INPP5A: variants seen among roughly 807,000 people sequenced by gnomAD.
INPP5A encodes inositol polyphosphate-5-phosphatase A.
Under a neutral mutation model 65.2 loss-of-function variants are expected in INPP5A, and 14 were observed. The ratio of observed to expected loss-of-function variants is 0.21; its 90% CI spans 0.14 to 0.34. The LOEUF (loss-of-function observed/expected upper bound fraction) is 0.34, where lower values mean the gene tolerates loss of function less well. Among genes scored for constraint, INPP5A ranks in the 10% least tolerant of loss-of-function variants. The pLI is 1.00. For missense variants in INPP5A, 431 were observed against 545.6 expected (o/e 0.79, Z 2.09); for synonymous variants, 207 against 208.3 (o/e 0.99, Z 0.05).
intron 11 of INPP5A, among the ~76,000 whole-genome samples, chr10:132,751,491 G>T (rs1271786379): frequency 6.6e-6 from 1 of 152,256 alleles, no homozygotes; most frequent in Non-Finnish European, 1.5e-5. Flanking sequence ...CCCCTCTCTG[G>T]CTCTGCCTGC....
intron 11 of INPP5A, among the ~76,000 whole-genome samples, chr10:132,752,190 G>T (rs1037610024): frequency 6.6e-6 from 1 of 151,982 alleles, no homozygotes; most frequent in Non-Finnish European, 1.5e-5. Flanking sequence ...GTGCTTTCAG[G>T]GTCCCTAGCA....
intron 4 of INPP5A, among the ~76,000 whole-genome samples, chr10:132,662,422 G>A (rs1429555799): frequency 2.0e-5 from 3 of 152,128 alleles, no homozygotes; most frequent in Non-Finnish European, 4.4e-5. Flanking sequence ...GAACAGGAGG[G>A]GACAGTCTGT....
intron 2 of INPP5A, among the ~76,000 whole-genome samples, chr10:132,624,642 G>A (rs374440039): frequency 6.6e-6 from 1 of 152,200 alleles, no homozygotes; most frequent in Non-Finnish European, 1.5e-5. Context: ...CATGTAGGCC[G>A]TGGTCTCTGC....
At chr10:132,749,300 C>T (rs1039885616) in intron 9 of INPP5A, among the ~76,000 whole-genome samples, 1 of 149,586 alleles carries the variant, frequency 6.7e-6, no homozygotes, top group Non-Finnish European at 1.5e-5. Context: ...CGGTTGCAGC[C>T]ACGCTTTGTT....
chr10:132,666,848 C>T (rs529789796), intron 4 of INPP5A, among the ~76,000 whole-genome samples: 5 of 152,258 alleles, frequency 3.3e-5, no homozygotes, highest in Admixed American at 6.5e-5. Flanking sequence ...TAAGTGGACT[C>T]GGGTAGAGAA....
chr10:132,750,634 G>A (rs376097494), intron 11 of INPP5A, among the ~76,000 whole-genome samples: 2 of 152,248 alleles, frequency 1.3e-5, no homozygotes, highest in East Asian at 1.9e-4. Flanking sequence ...CAGGAATCAC[G>A]CAGCAGCTGG....
intron 8 of INPP5A, among the ~76,000 whole-genome samples, chr10:132,718,290 G>A (rs1252677854): frequency 3.5e-5 from 5 of 143,196 alleles, no homozygotes; most frequent in South Asian, 2.3e-4. Flanking sequence ...TTCTGGGGGC[G>A]CCTTAGACAG....
rs2072571689 is a variant in INPP5A at position 132,651,161 on chromosome 10, G to GCATCTGAGGCTC, written c.306+656_306+657insCATCTGAGGCTC. 6.6e-6 allele frequency among the ~76,000 whole-genome samples: 1 copy of GCATCTGAGGCTC among 152,184 alleles called. No individual in the cohort carries two copies. The highest frequency in any genetic ancestry group is 1.5e-5 in the Non-Finnish European group (1 of 68,014). ...CCTCAGAGGAGGGGACACTCTGCAGGTCGTGAATAACTTGCTGTTGGTTCA... is the reference window on the plus strand; with the variant it reads ...CCTCAGAGGAGGGGACACTCTGCAGGCATCTGAGGCTCTCGTGAATAACTTGCTGTTGGTTCA... On this transcript the variant is annotated intron_variant, in intron 4 of 15. Transcript: ENST00000368594. The surrounding 1 kb of genome is among the most constrained non-coding windows in gnomAD (Gnocchi z 5.0).
In INPP5A at chr10:132,538,262, G is replaced by A; in HGVS notation, c.75+91G>A. 1.4e-6 allele frequency: 1 copy of A among 705,372 alleles called. No homozygotes were observed. Among genetic ancestry groups the A allele is most frequent in the Non-Finnish European group, 1.9e-6 (1 of 524,666 alleles). 43.7% of individuals were successfully genotyped at this position (705,372 alleles called of 1,614,324 possible). On this transcript the variant is annotated intron_variant, in intron 1 of 15. Transcript: ENST00000368594. The surrounding 1 kb of genome is among the most constrained non-coding windows in gnomAD (Gnocchi z 4.1). ...AACTGCAAGCCTTGGACCCTGGACC[G>A]TGAACCTCCAGACCCAGAGGCCCCA...
intron 2 of INPP5A, among the ~76,000 whole-genome samples, chr10:132,619,078 C>T (rs2072078842): frequency 6.6e-6 from 1 of 152,128 alleles, no homozygotes; most frequent in Non-Finnish European, 1.5e-5. Context: ...CTCAATAGTC[C>T]CCCCAAAGTC....
At chr10:132,540,025 A>G (rs964070763) in intron 1 of INPP5A, among the ~76,000 whole-genome samples, 23 of 152,186 alleles carry the variant, frequency 1.5e-4, no homozygotes, top group Non-Finnish European at 2.8e-4. Context: ...AGTGCCTGGC[A>G]TGGGTGTGTG....
chr10:132,603,684 A>G lies in INPP5A; in HGVS notation c.76-4231A>G, dbSNP rs1337476256. Among the ~76,000 whole-genome samples the G allele has an allele frequency of 3.3e-5, 5 of 152,200 alleles. No homozygotes were observed. The highest frequency in any genetic ancestry group is 3.3e-4 in the Admixed American group (5 of 15,282). On this transcript the variant is annotated intron_variant, in intron 1 of 15. Coordinates refer to ENST00000368594, the MANE Select transcript of INPP5A (RefSeq NM_005539.5). The surrounding 1 kb of genome is among the most constrained non-coding windows in gnomAD (Gnocchi z 4.2). ...TTATGAATGCTCTGGTTTGGAAGGT[A>G]TCATGATTCTTAGGCAGCCTCTCAG...
intron 9 of INPP5A, among the ~76,000 whole-genome samples, chr10:132,734,744 C>G (rs1846147361): frequency 6.6e-6 from 1 of 152,252 alleles, no homozygotes; most frequent in Non-Finnish European, 1.5e-5. Context: ...TCAGTTCTCC[C>G]CCTGCCTGGG....
In INPP5A at chr10:132,762,052, A is replaced by G. The variant is rs942139419; in HGVS notation, c.904-3721A>G. Among the ~76,000 whole-genome samples, 3 of 152,238 alleles carry G rather than the reference A, an allele frequency of 2.0e-5. No individual in the cohort carries two copies. Among genetic ancestry groups the G allele is most frequent in the African/African-American group, 7.2e-5 (3 of 41,530 alleles). ...AGTGCCGGAGTAGACACAGCTGGAG[A>G]AGGGATTGAGGAATGGGATGGCAGG... On this transcript the variant is annotated intron_variant, in intron 11 of 15. Coordinates refer to ENST00000368594, the MANE Select transcript of INPP5A (RefSeq NM_005539.5). This position sits in a 1 kb window ranked among gnomAD's most constrained non-coding sequence, Gnocchi z 4.6.
chr10:132,576,631 A>G (rs1296715479), intron 1 of INPP5A, among the ~76,000 whole-genome samples: 1 of 152,228 alleles, frequency 6.6e-6, no homozygotes, highest in Non-Finnish European at 1.5e-5. Flanking sequence ...CAGGATGCAA[A>G]CGAGAGTGTT....
At chr10:132,761,871 C>T (rs561198879) in intron 11 of INPP5A, among the ~76,000 whole-genome samples, 8 of 151,982 alleles carry the variant, frequency 5.3e-5, no homozygotes, top group East Asian at 1.9e-4. Flanking sequence ...GCCAAATCAT[C>T]GAATAATTGA....
chr10:132,639,678 A>T (rs1322995014), intron 2 of INPP5A, among the ~76,000 whole-genome samples: 5 of 152,200 alleles, frequency 3.3e-5, no homozygotes, highest in African/African-American at 9.7e-5. Flanking sequence ...CTCATGCACC[A>T]TCTGTTTCTC....
At chr10:132,635,617 G>C (rs1157102358) in intron 2 of INPP5A, among the ~76,000 whole-genome samples, 1 of 151,348 alleles carries the variant, frequency 6.6e-6, no homozygotes, top group African/African-American at 2.4e-5. Flanking sequence ...GGATGGTCTC[G>C]ATCTCCTGAC....
chr10:132,639,825 C>T (rs991666786), intron 2 of INPP5A, among the ~76,000 whole-genome samples: 2 of 152,188 alleles, frequency 1.3e-5, no homozygotes, highest in Non-Finnish European at 2.9e-5. Flanking sequence ...TCAGATTTGC[C>T]AGCTGTTCTC....
Sources: gnomAD v4.1 joint callset for allele counts (sites outside exome capture counted in the v4.1 genomes callset) on GRCh38, gnomAD v4.1.1 for gene constraint, Gnocchi (gnomAD v3.1) non-coding constraint, MANE v1.5 for transcripts, NCBI Gene and HGNC (gene_info 2026-07-23, HGNC 2026-07-21) for gene names.